Variants in PCDHA1 observed in about 807,000 individuals in gnomAD.
The protein encoded by PCDHA1 is protocadherin alpha 1, also known as protocadherin alpha-1.
A neutral mutation model predicts 61.3 loss-of-function variants in PCDHA1; 42 were observed. The ratio of observed to expected loss-of-function variants is 0.69; its 90% CI spans 0.54 to 0.89. PCDHA1 has a LOEUF of 0.89. Among genes scored for constraint, PCDHA1 ranks in the 40% least tolerant of loss-of-function variants. The pLI is 0.00. For missense variants in PCDHA1, 1,256 were observed against 1,235.3 expected, an observed-to-expected ratio of 1.02 and a Z score of -0.25; for synonymous variants, 610 against 553.8, an observed-to-expected ratio of 1.10 and a Z score of -1.43.
intron 1 of PCDHA1, chr5:140,849,113 G>A: frequency 1.4e-6 from 2 of 1,434,592 alleles, no homozygotes; most frequent in Non-Finnish European, 1.9e-6. Context: ...AAGAAACTCC[G>A]GAGCTTCATT....
chr5:140,805,036 C>T (rs1554123201), intron 1 of PCDHA1: 1 of 1,584,604 alleles, frequency 6.3e-7, no homozygotes, highest in East Asian at 2.2e-5. Flanking sequence ...ATAATAGAGT[C>T]AGCCAAAGTA....
rs1460408085 is a variant in PCDHA1, at chr5:140,900,316, C to T, written c.2395-78633C>T. On this transcript the variant is annotated intron_variant, in intron 1 of 3. Coordinates refer to ENST00000504120, the MANE Select transcript of PCDHA1 (RefSeq NM_018900.4). ...TTTTTTTAGACAGTCTCACTTTTGT[C>T]GCCCAGGCTGGAGTACCGTGGCGCA... Among the ~76,000 whole-genome samples the T allele has an allele frequency of 1.2e-4, 18 of 152,172 alleles. No individual in the cohort carries two copies. The East Asian group carries it at 2.7e-3, about 23-fold the overall frequency.
Position 140,821,928 on chromosome 5 carries a change from A to G in PCDHA1, c.2394+33244A>G, listed in dbSNP as rs147874482. Reference sequence around the variant, plus strand: ...TCGTTGGCCGCATCGCGCAGGACCTAGGGCTGGAGCTGGCGGAGCTGGTGC... The same window carrying G: ...TCGTTGGCCGCATCGCGCAGGACCTGGGGCTGGAGCTGGCGGAGCTGGTGC... On this transcript the variant is annotated intron_variant, in intron 1 of 3. Coordinates refer to ENST00000504120, the MANE Select transcript of PCDHA1 (RefSeq NM_018900.4). 9.9e-6 allele frequency: 16 copies of G among 1,614,034 alleles called. No individual in the cohort carries two copies. The African/African-American group carries it at 1.7e-4, about 17-fold the overall frequency.
chr5:140,873,437 T>C (rs1554166716), intron 1 of PCDHA1, among the ~76,000 whole-genome samples: 1 of 152,200 alleles, frequency 6.6e-6, no homozygotes, highest in Non-Finnish European at 1.5e-5. Flanking sequence ...TTATATCACA[T>C]AAATAACAAA....
chr5:140,878,662 C>T (rs1479409326), intron 1 of PCDHA1, among the ~76,000 whole-genome samples: 1 of 152,194 alleles, frequency 6.6e-6, no homozygotes, highest in African/African-American at 2.4e-5. Flanking sequence ...CCAGAGGCTT[C>T]TCTTTAACCA....
chr5:140,966,978 G>T lies in PCDHA1; in HGVS notation c.2395-11971G>T, dbSNP rs782662616. The stretch of plus-strand genomic sequence containing the variant: ...CGCGCGCTGGGGCTTGAGCTGCGGC[G>T]CTTGGGGCCGGGTTGCTTGCGCATC... On this transcript the variant is annotated intron_variant, in intron 1 of 3. Transcript: ENST00000504120. 3.1e-6 allele frequency: 5 copies of T among 1,603,218 alleles called. No homozygotes were observed. In the African/African-American group the frequency reaches 5.3e-5, roughly 17 times the overall value.
chr5:140,850,106 G>A lies in PCDHA1; in HGVS notation c.2394+61422G>A, dbSNP rs2150467412. 3.5e-5 allele frequency: 56 copies of A among 1,596,106 alleles called. 1 individual carries two copies. Among genetic ancestry groups the A allele is most frequent in the African/African-American group, 4.0e-5 (3 of 74,354 alleles). ...AGCTGCTACAGTTCCAGGTGAGCGC[G>A]CGCGACGCGGGCGTGCCGCCTCTGG... is the stretch of plus-strand genomic sequence containing the variant. On this transcript the variant is annotated intron_variant, in intron 1 of 3. Transcript: ENST00000504120.
At chr5:140,921,943 T>C (rs2080514176) in intron 1 of PCDHA1, among the ~76,000 whole-genome samples, 1 of 151,972 alleles carries the variant, frequency 6.6e-6, no homozygotes, top group South Asian at 2.1e-4. Context: ...AATTTTACAC[T>C]TGTAAAATCC....
At chr5:140,979,243 C>T (rs1554240401) in intron 2 of PCDHA1, among the ~76,000 whole-genome samples, 1 of 152,178 alleles carries the variant, frequency 6.6e-6, no homozygotes, top group Non-Finnish European at 1.5e-5. Context: ...CAGAAACAGG[C>T]TGCTATGTAT....
rs868942705 is a variant in PCDHA1 at position 140,935,763 on chromosome 5, C to T, written c.2395-43186C>T. Reference sequence around the variant, plus strand: ...TATTCCATACAATACACATTCTTCCCCACTTTGAGTTTTTTCACTTAAAAA... The same window carrying T: ...TATTCCATACAATACACATTCTTCCTCACTTTGAGTTTTTTCACTTAAAAA... On this transcript the variant is annotated intron_variant, in intron 1 of 3. Coordinates refer to ENST00000504120, the MANE Select transcript of PCDHA1 (RefSeq NM_018900.4). Among the ~76,000 whole-genome samples, 111 of 152,180 alleles carry T rather than the reference C, an allele frequency of 7.3e-4. 1 individual carries two copies. The highest frequency in any genetic ancestry group is 3.4e-3 in the Middle Eastern group (1 of 294).
At chr5:140,960,179 G>A (rs1379423809) in intron 1 of PCDHA1, among the ~76,000 whole-genome samples, 1 of 152,106 alleles carries the variant, frequency 6.6e-6, no homozygotes, top group Non-Finnish European at 1.5e-5. Flanking sequence ...TAAGTTAGGG[G>A]TTGCATGTGT....
intron 1 of PCDHA1, chr5:140,811,762 A>G (rs1293398991): frequency 2.0e-5 from 3 of 152,124 alleles, no homozygotes; most frequent in African/African-American, 7.2e-5. Context: ...GATGATGGGC[A>G]TTTTTTCATG....
rs2150160493 is a variant in PCDHA1 at position 140,828,905 on chromosome 5, G to A, written c.2394+40221G>A. ...ACTGAATGCTTCTGATCGGGATGAA[G>A]GAGCGAATGGGGCAATTTCATATTC... On this transcript the variant is annotated intron_variant, in intron 1 of 3. Coordinates refer to ENST00000504120, the MANE Select transcript of PCDHA1 (RefSeq NM_018900.4). 3 of 1,614,136 alleles carry A rather than the reference G, an allele frequency of 1.9e-6. No individual in the cohort carries two copies. In the Admixed American group the frequency reaches 5.0e-5, roughly 27 times the overall value.
chr5:140,928,801 G>T (rs1554206325), intron 1 of PCDHA1: 1 of 1,614,066 alleles, frequency 6.2e-7, no homozygotes, highest in African/African-American at 1.3e-5. Flanking sequence ...GGTGGTGGTA[G>T]TGGTTCGGGA....
intron 1 of PCDHA1, chr5:140,870,439 G>T (rs374343977): frequency 6.2e-7 from 1 of 1,614,244 alleles, no homozygotes; most frequent in African/African-American, 1.3e-5. Context: ...GGAGGTGGCC[G>T]ACGTGAACGA....
At chr5:140,924,907 A>AT (rs1242980267) in intron 1 of PCDHA1, among the ~76,000 whole-genome samples, 3,369 of 50,932 alleles carry the variant, frequency 0.066, 44 homozygotes, top group African/African-American at 0.099. Context: ...AAAAAAAAAT[A>AT]AAATAAAATA....
intron 1 of PCDHA1, among the ~76,000 whole-genome samples, chr5:140,910,422 C>T (rs1184807086): frequency 6.6e-6 from 1 of 152,148 alleles, no homozygotes; most frequent in Non-Finnish European, 1.5e-5. Flanking sequence ...TCCAATTATT[C>T]CCATTGCATT....
chr5:140,879,425 T>G (rs547741272), intron 1 of PCDHA1, among the ~76,000 whole-genome samples: 1 of 152,320 alleles, frequency 6.6e-6, no homozygotes, highest in East Asian at 1.9e-4. Flanking sequence ...GGAATGGAGA[T>G]GAACATTTAA....
At chr5:140,863,357 G>A (rs1320011614) in intron 1 of PCDHA1, 2 of 1,259,586 alleles carry the variant, frequency 1.6e-6, no homozygotes, top group South Asian at 1.2e-5. Context: ...ACGACGCTGC[G>A]GTGCTTGGCG....
Sources: allele counts gnomAD v4.1 joint callset (sites outside exome capture counted in the v4.1 genomes callset), GRCh38; gene constraint gnomAD v4.1.1; transcripts MANE v1.5; gene names NCBI Gene and HGNC (gene_info 2026-07-23, HGNC 2026-07-21).